PCDH7: variants seen among roughly 807,000 people sequenced by gnomAD.
PCDH7 encodes protocadherin-7.
In PCDH7, 17 loss-of-function variants were observed where a neutral mutation model predicts 58.9. The observed-to-expected ratio is 0.29, with a 90% CI of 0.20 to 0.43. PCDH7 has a LOEUF of 0.43. Ranked by LOEUF, PCDH7 falls within the 20% of genes least tolerant of loss-of-function variation. The pLI, the probability that PCDH7 is intolerant of heterozygous loss-of-function variation, is 1.00. For synonymous variants in PCDH7, 664 were observed against 616.4 expected (o/e 1.08, Z -1.14); for missense variants, 1,274 against 1,441.0 (o/e 0.88, Z 1.88).
intron 1 of PCDH7, among the ~76,000 whole-genome samples, chr4:30,817,132 TAGG>T (rs1727788999): frequency 6.6e-6 from 1 of 152,170 alleles, no homozygotes; most frequent in African/African-American, 2.4e-5. Flanking sequence ...AGTTGTGATA[TAGG>T]AGAAGAAAAT....
chr4:31,072,221 T>C (rs1298001425), intron 3 of PCDH7, among the ~76,000 whole-genome samples: 1 of 152,112 alleles, frequency 6.6e-6, no homozygotes, highest in Non-Finnish European at 1.5e-5. Context: ...GTTAAATCTT[T>C]TTTAAATGCA....
chr4:31,041,521 T>G lies in PCDH7; in HGVS notation c.*7+91306T>G, dbSNP rs932704676. ...ACAGACTCCTAAGTGCTGGAAGTCA[T>G]GCAATTCTAAGCAAAATCCTGAAGG... On this transcript the variant is annotated intron_variant, in intron 3 of 3. Transcript: ENST00000509759. Among the ~76,000 whole-genome samples the G allele has an allele frequency of 3.9e-5, 6 of 152,194 alleles. No homozygotes were observed. In the East Asian group the frequency reaches 9.7e-4, roughly 25 times the overall value.
chr4:31,140,467 A>G (rs1441864923), intron 3 of PCDH7, among the ~76,000 whole-genome samples: 2 of 151,922 alleles, frequency 1.3e-5, no homozygotes, highest in Non-Finnish European at 2.9e-5. Flanking sequence ...GCTATTCACT[A>G]TCATAAGAAA....
At chr4:30,948,637 A>C (rs1747005282) in intron 2 of PCDH7, among the ~76,000 whole-genome samples, 1 of 152,184 alleles carries the variant, frequency 6.6e-6, no homozygotes, top group Admixed American at 6.5e-5. Flanking sequence ...ATGCTCAATA[A>C]TATCAGTTTA....
chr4:30,988,853 T>C (rs1751213965), intron 3 of PCDH7, among the ~76,000 whole-genome samples: 1 of 152,170 alleles, frequency 6.6e-6, no homozygotes, highest in African/African-American at 2.4e-5. Flanking sequence ...GATGGTAGTA[T>C]TAATGCATGT....
chr4:30,746,990 A>G (rs888925769), intron 1 of PCDH7, among the ~76,000 whole-genome samples: 1 of 152,184 alleles, frequency 6.6e-6, no homozygotes, highest in Non-Finnish European at 1.5e-5. Context: ...TCTTTAGTGA[A>G]TCAGAATACA....
intron 1 of PCDH7, among the ~76,000 whole-genome samples, chr4:30,855,856 G>A (rs1400335242): frequency 9.9e-5 from 15 of 152,032 alleles, no homozygotes; most frequent in Admixed American, 9.8e-4. Context: ...AAGTCATTGG[G>A]GAGATTAAAT....
chr4:30,745,717 G>A (rs1717689957), intron 1 of PCDH7, among the ~76,000 whole-genome samples: 1 of 151,704 alleles, frequency 6.6e-6, no homozygotes, highest in Non-Finnish European at 1.5e-5. Context: ...TGGAAATTAG[G>A]TACTTCTTAT....
At chr4:30,942,630 C>G (rs536575761) in intron 2 of PCDH7, among the ~76,000 whole-genome samples, 2 of 151,976 alleles carry the variant, frequency 1.3e-5, no homozygotes, top group African/African-American at 4.8e-5. Context: ...GTACTTTGCC[C>G]TTAAAAAAAT....
At chr4:30,905,975 A>T (rs994443330) in intron 1 of PCDH7, among the ~76,000 whole-genome samples, 2 of 152,210 alleles carry the variant, frequency 1.3e-5, no homozygotes, top group Non-Finnish European at 2.9e-5. Context: ...GAAGATTTAA[A>T]CAAACATATT....
chr4:31,123,355 T>C (rs1476893114), intron 3 of PCDH7, among the ~76,000 whole-genome samples: 2 of 152,154 alleles, frequency 1.3e-5, no homozygotes, highest in African/African-American at 4.8e-5. Flanking sequence ...ATACGTAGAA[T>C]AGTAGTTAAA....
At chr4:30,829,665 A>G (rs1729533763) in intron 1 of PCDH7, among the ~76,000 whole-genome samples, 1 of 152,120 alleles carries the variant, frequency 6.6e-6, no homozygotes, top group African/African-American at 2.4e-5. Flanking sequence ...ACCACATGTC[A>G]TTATTTTAAA....
At chr4:31,055,837 A>G (rs1243004891) in intron 3 of PCDH7, among the ~76,000 whole-genome samples, 3 of 152,070 alleles carry the variant, frequency 2.0e-5, no homozygotes, top group Non-Finnish European at 4.4e-5. Flanking sequence ...TCGGCCTCCC[A>G]AAGTGCTAGG....
intron 3 of PCDH7, among the ~76,000 whole-genome samples, chr4:31,098,004 C>T (rs982184252): frequency 2.6e-5 from 4 of 152,084 alleles, no homozygotes; most frequent in African/African-American, 4.8e-5. Context: ...TTTCAGGTCA[C>T]GGATTATCCT....
chr4:31,100,435 G>T (rs900554969), intron 3 of PCDH7, among the ~76,000 whole-genome samples: 2 of 152,158 alleles, frequency 1.3e-5, no homozygotes, highest in South Asian at 4.1e-4. Flanking sequence ...TATTACTTGG[G>T]ATATGATAAG....
chr4:31,114,519 G>T (rs1337762903), intron 3 of PCDH7, among the ~76,000 whole-genome samples: 1 of 151,630 alleles, frequency 6.6e-6, no homozygotes, highest in African/African-American at 2.4e-5. Context: ...TACAAAATTG[G>T]GCTTGTTTTT....
intron 1 of PCDH7, among the ~76,000 whole-genome samples, chr4:30,799,703 TGAAA>T (rs1725275100): frequency 6.6e-6 from 1 of 152,180 alleles, no homozygotes; most frequent in South Asian, 2.1e-4. Context: ...TTTTTCTAAT[TGAAA>T]GAGTTAAAAG....
Position 30,786,432 on chromosome 4 carries a change from A to G in PCDH7, c.70+61836A>G, listed in dbSNP as rs116645699. Among the ~76,000 whole-genome samples the G allele has an allele frequency of 3.2e-3, 489 of 152,160 alleles. 3 individuals carry two copies. Among genetic ancestry groups the G allele is most frequent in the African/African-American group, 0.011 (454 of 41,544 alleles). On this transcript the variant is annotated intron_variant, in intron 1 of 3. Coordinates refer to the PCDH7 transcript ENST00000509759. Reference sequence around the variant, plus strand: ...GACATTTCATAGCCTTGAAAAGCTTAAACTCTGAAACACACTAAATGCAGT... The same window carrying G: ...GACATTTCATAGCCTTGAAAAGCTTGAACTCTGAAACACACTAAATGCAGT...
intron 3 of PCDH7, among the ~76,000 whole-genome samples, chr4:31,050,062 G>A (rs988522622): frequency 8.6e-5 from 13 of 152,032 alleles, no homozygotes; most frequent in Non-Finnish European, 2.9e-5. Flanking sequence ...AGAGAGATAT[G>A]GGCATATCTC....
Sources: allele counts gnomAD v4.1 joint callset (sites outside exome capture counted in the v4.1 genomes callset), GRCh38; gene constraint gnomAD v4.1.1; transcripts MANE v1.5; gene names NCBI Gene and HGNC (gene_info 2026-07-23, HGNC 2026-07-21).